The following DNAH7 variants were observed in gnomAD, a reference collection of about 807,000 sequenced individuals.
DNAH7 encodes dynein axonemal heavy chain 7.
In DNAH7, 397 loss-of-function variants were observed where a neutral mutation model predicts 444.6. The ratio of observed to expected loss-of-function variants is 0.89; its 90% CI spans 0.82 to 0.97. The LOEUF is 0.97. Among genes scored for constraint, DNAH7 ranks in the 50% least tolerant of loss-of-function variants. DNAH7 has a pLI of 0.00. For missense variants in DNAH7, 4,902 were observed against 4,800.8 expected (o/e 1.02, Z -0.62); for synonymous variants, 1,636 against 1,624.4 (o/e 1.01, Z -0.17).
chr2:195,959,495 G>A (rs1441232318), intron 18 of DNAH7, among the ~76,000 whole-genome samples: 1 of 152,148 alleles, frequency 6.6e-6, no homozygotes, highest in African/African-American at 2.4e-5. Context: ...GGAGGCAGAA[G>A]GACCAAACAC....
At chr2:195,738,361 C>G (rs1227080357) in intron 64 of DNAH7, among the ~76,000 whole-genome samples, 1 of 152,088 alleles carries the variant, frequency 6.6e-6, no homozygotes. Flanking sequence ...ACCTATTTAT[C>G]TCTCACTCAG....
intron 54 of DNAH7, among the ~76,000 whole-genome samples, chr2:195,802,817 T>C (rs930915170): frequency 6.6e-6 from 1 of 152,172 alleles, no homozygotes; most frequent in Non-Finnish European, 1.5e-5. Context: ...ATAATGTACA[T>C]TGTACCCCTT....
chr2:195,798,106 T>C (rs1696249212), intron 55 of DNAH7, among the ~76,000 whole-genome samples: 1 of 152,260 alleles, frequency 6.6e-6, no homozygotes. Context: ...TTCCTCCTTA[T>C]GTTAAAAGTC....
intron 12 of DNAH7, among the ~76,000 whole-genome samples, chr2:195,997,804 A>G (rs1447515220): frequency 6.6e-6 from 1 of 152,160 alleles, no homozygotes; most frequent in Non-Finnish European, 1.5e-5. Context: ...TATCCTATTC[A>G]TGATACCCTA....
intron 60 of DNAH7, among the ~76,000 whole-genome samples, chr2:195,773,437 T>A (rs1694932215): frequency 6.8e-6 from 1 of 147,704 alleles, no homozygotes; most frequent in Non-Finnish European, 1.5e-5. Flanking sequence ...AAAAAACAAA[T>A]CCAGGTCTAT....
At chr2:196,068,568 G>C in intron 1 of DNAH7, 129 bp downstream of exon 1, 12 of 1,231,818 alleles carry the variant, frequency 9.7e-6, no homozygotes, top group Non-Finnish European at 1.4e-5. Context: ...CCACAAGTGG[G>C]GTGAAGGAAG....
intron 2 of DNAH7, among the ~76,000 whole-genome samples, chr2:196,055,133 A>C (rs1559375013): frequency 6.6e-6 from 1 of 152,150 alleles, no homozygotes; most frequent in Non-Finnish European, 1.5e-5. Context: ...AGGCAGGAGG[A>C]TCACTAGAGC....
chr2:195,924,491 G>A (rs1324815749), intron 22 of DNAH7, among the ~76,000 whole-genome samples: 1 of 152,118 alleles, frequency 6.6e-6, no homozygotes, highest in Admixed American at 6.5e-5. Context: ...CTACTCGGGA[G>A]GCTGAGGCAG....
intron 2 of DNAH7, among the ~76,000 whole-genome samples, chr2:196,055,709 C>T (rs1010966381): frequency 6.6e-6 from 1 of 152,210 alleles, no homozygotes; most frequent in African/African-American, 2.4e-5. Flanking sequence ...TCTGGGATGT[C>T]TAGTCCAAGT....
chr2:195,808,385 G>A (rs1465123649), intron 53 of DNAH7, among the ~76,000 whole-genome samples: 1 of 152,156 alleles, frequency 6.6e-6, no homozygotes, highest in Non-Finnish European at 1.5e-5. Context: ...TAACTCATCT[G>A]CTATTAGGAT....
chr2:195,803,699 C>T (rs1318768275), intron 54 of DNAH7, among the ~76,000 whole-genome samples: 1 of 152,184 alleles, frequency 6.6e-6, no homozygotes, highest in Non-Finnish European at 1.5e-5. Context: ...TTGCAAGTTC[C>T]TACTGGATTT....
chr2:196,046,621 C>G (rs1388075576), intron 5 of DNAH7, among the ~76,000 whole-genome samples: 1 of 152,080 alleles, frequency 6.6e-6, no homozygotes, highest in Non-Finnish European at 1.5e-5. Context: ...CACATACGCT[C>G]AACCCAGCTG....
Position 195,960,768 on chromosome 2 carries a change from G to C in DNAH7, c.2383C>G (p.Gln795Glu). ...TAATTTCCAATATCTGCTTCTACTT[G>C]GTCTGGATTCACTTTATGATATGGC... ...EGPYHKVNPDQVEADIGNYWR... is the reference protein window; with the variant it reads ...EGPYHKVNPDEVEADIGNYWR... Residue 795 changes from glutamine (Q) to glutamate (E), a missense_variant, in exon 18 of 65, where the codon CAA becomes GAA. Coordinates refer to ENST00000312428, the MANE Select transcript of DNAH7 (RefSeq NM_018897.3). The C allele has an allele frequency of 6.2e-7, 1 of 1,613,988 alleles. No individual in the cohort carries two copies. The highest frequency in any genetic ancestry group is 8.5e-7 in the Non-Finnish European group (1 of 1,179,994).
chr2:196,034,962 C>G (rs1310601883), intron 5 of DNAH7, among the ~76,000 whole-genome samples: 1 of 152,166 alleles, frequency 6.6e-6, no homozygotes, highest in Non-Finnish European at 1.5e-5. Context: ...AAGTGGATCA[C>G]CCGAGGTCAG....
intron 12 of DNAH7, among the ~76,000 whole-genome samples, chr2:195,990,820 TATACTTAAATATATATAC>T: frequency 6.8e-6 from 1 of 146,554 alleles, no homozygotes; most frequent in African/African-American, 2.5e-5. Flanking sequence ...TGTATATATA[TATACTTAAATATATATAC>T]ATATATATAC....
At chr2:195,739,788 A>G (rs1692883386) in intron 64 of DNAH7, among the ~76,000 whole-genome samples, 3 of 152,208 alleles carry the variant, frequency 2.0e-5, no homozygotes, top group African/African-American at 4.8e-5. Flanking sequence ...CAGAGCATCA[A>G]AGATTTGCAT....
At chr2:195,976,410 G>A (rs1433784739) in intron 15 of DNAH7, among the ~76,000 whole-genome samples, 1 of 152,058 alleles carries the variant, frequency 6.6e-6, no homozygotes, top group African/African-American at 2.4e-5. Flanking sequence ...CTGCAATAGA[G>A]TAGAGTACCA....
chr2:196,060,031 C>T (rs528515578), intron 1 of DNAH7, among the ~76,000 whole-genome samples: 5 of 152,012 alleles, frequency 3.3e-5, no homozygotes, highest in Non-Finnish European at 5.9e-5. Flanking sequence ...CTGGCTAACA[C>T]GGTGAAACCC....
chr2:195,880,749 T>G (rs946626504), intron 36 of DNAH7, among the ~76,000 whole-genome samples: 3 of 152,230 alleles, frequency 2.0e-5, no homozygotes, highest in African/African-American at 7.2e-5. Context: ...TGTAGAAGAA[T>G]AATGAAATTG....
Sources: gnomAD v4.1 joint callset for allele counts (sites outside exome capture counted in the v4.1 genomes callset) on GRCh38, gnomAD v4.1.1 for gene constraint, MANE v1.5 for transcripts, NCBI Gene and HGNC (gene_info 2026-07-23, HGNC 2026-07-21) for gene names.